Variants in PRDM5 observed in about 807,000 individuals in gnomAD.
PRDM5 encodes PR domain zinc finger protein 5.
In PRDM5, 56 loss-of-function variants were observed where a neutral mutation model predicts 81.2. The observed-to-expected ratio is 0.69, with a 90% CI of 0.56 to 0.86. PRDM5 has a LOEUF of 0.86. Among genes scored for constraint, PRDM5 ranks in the 40% least tolerant of loss-of-function variants. The pLI is 0.00. For synonymous variants in PRDM5, 267 were observed against 256.4 expected, an observed-to-expected ratio of 1.04 and a Z score of -0.39; for missense variants, 697 against 770.1, an observed-to-expected ratio of 0.91 and a Z score of 1.12.
intron 3 of PRDM5, among the ~76,000 whole-genome samples, chr4:120,823,245 A>T (rs1196285658): frequency 6.6e-6 from 1 of 152,220 alleles, no homozygotes; most frequent in Non-Finnish European, 1.5e-5. Flanking sequence ...TTTTAATTTT[A>T]AAACATGATA....
chr4:120,706,700 C>CAAAACTGTAA (rs113107002), intron 15 of PRDM5, among the ~76,000 whole-genome samples: 146,465 of 147,850 alleles, frequency 0.99, 72,563 homozygotes, highest in East Asian at 1. Flanking sequence ...GTCATTTGGG[C>CAAAACTGTAA]AAAACTGGTT....
chr4:120,900,857 T>C (rs1452897177), intron 2 of PRDM5, among the ~76,000 whole-genome samples: 2 of 152,112 alleles, frequency 1.3e-5, no homozygotes, highest in Non-Finnish European at 2.9e-5. Flanking sequence ...CAACAGGTAA[T>C]GCCCATACAC....
intron 2 of PRDM5, chr4:120,885,431 G>C (rs1194427072): frequency 6.6e-6 from 1 of 152,102 alleles, no homozygotes; most frequent in African/African-American, 2.4e-5. Context: ...TTGACATAAT[G>C]TCCTTCCTCA....
chr4:120,751,659 C>G (rs1461004991), intron 14 of PRDM5, among the ~76,000 whole-genome samples: 1 of 152,172 alleles, frequency 6.6e-6, no homozygotes, highest in Non-Finnish European at 1.5e-5. Flanking sequence ...AATCCACCAG[C>G]CTTCACCTCA....
At chr4:120,809,803 G>A (rs1753573560) in intron 8 of PRDM5, among the ~76,000 whole-genome samples, 1 of 152,206 alleles carries the variant, frequency 6.6e-6, no homozygotes, top group South Asian at 2.1e-4. Flanking sequence ...AGGCTGAATA[G>A]TGAAGGACTA....
At chr4:120,779,484 T>C (rs1184577971) in intron 12 of PRDM5, among the ~76,000 whole-genome samples, 1 of 152,080 alleles carries the variant, frequency 6.6e-6, no homozygotes, top group Admixed American at 6.6e-5. Context: ...GCAAAGAAAG[T>C]TGAAAGACTA....
intron 15 of PRDM5, 140 bp from the exon 16 acceptor site, chr4:120,695,415 C>A: frequency 8.8e-6 from 8 of 911,430 alleles, no homozygotes; most frequent in Non-Finnish European, 1.3e-5. Context: ...AGTCACCCTT[C>A]CCTTTTCCCA....
chr4:120,779,510 T>TA (rs1265874512), intron 12 of PRDM5, among the ~76,000 whole-genome samples: 2 of 152,098 alleles, frequency 1.3e-5, no homozygotes, highest in East Asian at 1.9e-4. Flanking sequence ...TTCAGAGAGC[T>TA]AAAAACACCA....
chr4:120,824,899 A>C (rs548958708), intron 3 of PRDM5, among the ~76,000 whole-genome samples: 1 of 152,290 alleles, frequency 6.6e-6, no homozygotes, highest in African/African-American at 2.4e-5. Flanking sequence ...TAATGGAGGA[A>C]ATCGTGAGTA....
At chr4:120,702,957 C>T (rs2149004873) in intron 15 of PRDM5, among the ~76,000 whole-genome samples, 1 of 152,266 alleles carries the variant, frequency 6.6e-6, no homozygotes, top group East Asian at 1.9e-4. Flanking sequence ...CACCCTGCAT[C>T]CCTCTCTTTC....
intron 13 of PRDM5, among the ~76,000 whole-genome samples, chr4:120,768,934 A>G (rs1235959624): frequency 6.6e-6 from 1 of 152,202 alleles, no homozygotes; most frequent in Non-Finnish European, 1.5e-5. Flanking sequence ...ATGACAAAGC[A>G]ACAGGATAAA....
chr4:120,827,300 TATG>T (rs1453706882), intron 3 of PRDM5, among the ~76,000 whole-genome samples: 1 of 152,070 alleles, frequency 6.6e-6, no homozygotes, highest in East Asian at 1.9e-4. Flanking sequence ...CTTCTCCAAA[TATG>T]ATGGTTGTCA....
intron 3 of PRDM5, among the ~76,000 whole-genome samples, chr4:120,841,784 G>A (rs947473888): frequency 6.6e-6 from 1 of 152,102 alleles, no homozygotes; most frequent in African/African-American, 2.4e-5. Context: ...GAGCTTTCAT[G>A]TTGTTTGCTT....
intron 8 of PRDM5, among the ~76,000 whole-genome samples, chr4:120,803,773 T>C (rs1031726714): frequency 1.3e-5 from 2 of 152,130 alleles, no homozygotes; most frequent in African/African-American, 2.4e-5. Context: ...AGACCATCGA[T>C]GCTAGGAAGA....
intron 2 of PRDM5, among the ~76,000 whole-genome samples, chr4:120,883,572 G>A (rs372226975): frequency 7.5e-6 from 1 of 132,842 alleles, no homozygotes; most frequent in African/African-American, 3.1e-5. Context: ...TCACACACCG[G>A]TGCCTGTTGT....
At chr4:120,862,815 C>G (rs924154920) in intron 2 of PRDM5, among the ~76,000 whole-genome samples, 1 of 152,018 alleles carries the variant, frequency 6.6e-6, no homozygotes, top group Non-Finnish European at 1.5e-5. Context: ...AATGGGCTTC[C>G]TTGTACAGAA....
At chr4:120,798,812 G>C (rs2149284880) in intron 9 of PRDM5, among the ~76,000 whole-genome samples, 1 of 152,278 alleles carries the variant, frequency 6.6e-6, no homozygotes, top group East Asian at 1.9e-4. Flanking sequence ...GGGCCACAAA[G>C]GCCTCATGGA....
At chr4:120,791,676 G>A (rs1431305011) in intron 10 of PRDM5, among the ~76,000 whole-genome samples, 1 of 152,006 alleles carries the variant, frequency 6.6e-6, no homozygotes, top group Admixed American at 6.6e-5. Flanking sequence ...CTCACCCCCT[G>A]GCTCTGCCAC....
intron 2 of PRDM5, among the ~76,000 whole-genome samples, chr4:120,854,343 C>T (rs1242082116): frequency 6.6e-6 from 1 of 152,036 alleles, no homozygotes; most frequent in Non-Finnish European, 1.5e-5. Context: ...AATCACCATT[C>T]AACTCTGATT....
Sources: allele counts gnomAD v4.1 joint callset (sites outside exome capture counted in the v4.1 genomes callset), GRCh38; gene constraint gnomAD v4.1.1; transcripts MANE v1.5; gene names NCBI Gene and HGNC (gene_info 2026-07-23, HGNC 2026-07-21).